The following BAZ1B variants were observed in gnomAD, a reference collection of about 807,000 sequenced individuals.
BAZ1B encodes the protein bromodomain adjacent to zinc finger domain 1B, also known as tyrosine-protein kinase BAZ1B.
A neutral mutation model predicts 153.8 loss-of-function variants in BAZ1B; 22 were observed. The ratio of observed to expected loss-of-function variants is 0.14; its 90% CI spans 0.10 to 0.20. BAZ1B has a LOEUF of 0.20. Ranked by LOEUF, BAZ1B falls within the 10% of genes least tolerant of loss-of-function variation. The probability of loss-of-function intolerance (pLI) is 1.00; values close to 1 mark genes in which losing one functional copy is unlikely to be tolerated. For synonymous variants in BAZ1B, 676 were observed against 633.4 expected, an observed-to-expected ratio of 1.07 and a Z score of -1.01; for missense variants, 1,325 against 1,799.3, an observed-to-expected ratio of 0.74 and a Z score of 4.77.
At chr7:73,459,005 T>A (rs775173504) in intron 13 of BAZ1B, among the ~76,000 whole-genome samples, 6 of 151,994 alleles carry the variant, frequency 3.9e-5, no homozygotes, top group African/African-American at 1.5e-4. Flanking sequence ...TCCCAGCACA[T>A]TGGGAGGCCG....
intron 9 of BAZ1B, among the ~76,000 whole-genome samples, chr7:73,466,781 C>T (rs1229293152): frequency 6.6e-6 from 1 of 152,174 alleles, no homozygotes; most frequent in Admixed American, 6.5e-5. Context: ...ATACTATAGA[C>T]TTATCCTTGG....
rs1788585458 is a variant in BAZ1B at position 73,466,377 on chromosome 7, T to C, written c.2891A>G (p.Asn964Ser). ...PRSKKANLGK[N>S]ASMNTQHGTA... ...TCCATGTTGTGTGTTCATGCTTGCA[T>C]TTTTACCTAAGTTTGCTTTCTTACC... Residue 964 changes from asparagine (N) to serine (S), a missense_variant, in exon 10 of 20, where the codon AAT (asparagine) becomes AGT (serine). Physicochemically the swap from Asn to Ser is conservative, Grantham distance 46. Around this residue, in one of 9 missense-constraint regions of BAZ1B, gnomAD observed 431 missense variants for 563.5 expected, o/e 0.76. Transcript: ENST00000339594. 1 of 1,613,650 alleles carries C rather than the reference T, an allele frequency of 6.2e-7. No individual in the cohort carries two copies. The highest frequency in any genetic ancestry group is 1.3e-5 in the African/African-American group (1 of 74,924).
intron 8 of BAZ1B, 78 bp from the exon 9 acceptor site, chr7:73,469,728 TAC>T (rs1219368368): frequency 6.5e-7 from 1 of 1,533,280 alleles, no homozygotes; most frequent in African/African-American, 1.4e-5. Context: ...GAGAAGATAA[TAC>T]AGAGTATCAC....
chr7:73,514,846 C>A (rs1554579049), intron 1 of BAZ1B, among the ~76,000 whole-genome samples: 1 of 151,954 alleles, frequency 6.6e-6, no homozygotes, highest in African/African-American at 2.4e-5. Flanking sequence ...CTTTGGGAGG[C>A]TGAAGTGGGT....
chr7:73,478,562 G>A lies in BAZ1B; in HGVS notation c.899C>T (p.Thr300Ile), dbSNP rs1554573248. ...CTTCCTCTTAGTAGAAGGGTTGAGA[G>A]TCATATACTAGAATTTAAGAATAGG... The part of the protein sequence containing the change: ...DFLLDPYKYM[T>I]LNPSTKRKNT... Residue 300 changes from threonine (T) to isoleucine (I), a missense_variant, in exon 7 of 20, where the codon ACT becomes ATT. Physicochemically the swap from Thr to Ile is moderately conservative, Grantham distance 89. Around this residue, in one of 9 missense-constraint regions of BAZ1B, gnomAD observed 219 missense variants for 248.2 expected, o/e 0.88. Coordinates refer to ENST00000339594, the MANE Select transcript of BAZ1B (RefSeq NM_032408.4). The A allele has an allele frequency of 2.0e-6, 3 of 1,510,964 alleles. No individual in the cohort carries two copies. Among genetic ancestry groups the A allele is most frequent in the East Asian group, 2.3e-5 (1 of 43,396 alleles). The allele number at this position is 1,510,964 out of a possible 1,614,324, so 93.6% of individuals were successfully genotyped here. A position where few individuals can be genotyped will look rare whatever the true frequency, so the allele number is the denominator to read the frequency against.
intron 4 of BAZ1B, among the ~76,000 whole-genome samples, chr7:73,493,279 G>A (rs373162018): frequency 6.6e-6 from 1 of 151,850 alleles, no homozygotes. Flanking sequence ...TGACCAACAT[G>A]GAGAAACTCC....
chr7:73,484,536 CAGGAGGCTAAGGTAGGCGGATT>C (rs1389839491), intron 6 of BAZ1B, among the ~76,000 whole-genome samples: 4 of 152,042 alleles, frequency 2.6e-5, no homozygotes, highest in Non-Finnish European at 4.4e-5. Flanking sequence ...CTCGGCTACT[CAGGAGGCTAAGGTAGGCGGATT>C]GCTTAAGCCC....
chr7:73,442,991 G>A (rs528054867), intron 17 of BAZ1B, among the ~76,000 whole-genome samples, 163 bp from the exon 18 acceptor site: 10 of 152,258 alleles, frequency 6.6e-5, no homozygotes, highest in Admixed American at 2.0e-4. Flanking sequence ...GAGCACCCTC[G>A]GCCCAGGTGG....
At chr7:73,449,882 T>C (rs1787971352) in intron 14 of BAZ1B, among the ~76,000 whole-genome samples, 193 bp from the exon 15 acceptor site, 1 of 152,228 alleles carries the variant, frequency 6.6e-6, no homozygotes, top group Non-Finnish European at 1.5e-5. Context: ...ACAGATAATT[T>C]GGGAATCAGG....
Position 73,506,528 on chromosome 7 carries a change from G to A in BAZ1B, c.369+1799C>T, listed in dbSNP as rs116659514. 7.8e-3 allele frequency among the ~76,000 whole-genome samples: 1,162 copies of A among 148,636 alleles called. 17 individuals are homozygous for A. Among genetic ancestry groups the A allele is most frequent in the African/African-American group, 0.028 (1,137 of 40,382 alleles). Reference sequence around the variant, plus strand: ...AAAAAAAAAAATTTAAGTAGAAAAAGTCCAACTCTCATTACAGCGAGGACT... The same window carrying A: ...AAAAAAAAAAATTTAAGTAGAAAAAATCCAACTCTCATTACAGCGAGGACT... On this transcript the variant is annotated intron_variant, in intron 3 of 19. Transcript: ENST00000339594.
Position 73,465,554 on chromosome 7 carries a change from G to T in BAZ1B, c.2973-17C>A. The T allele has an allele frequency of 1.1e-5, 16 of 1,423,830 alleles. No individual in the cohort carries two copies. The highest frequency in any genetic ancestry group is 1.4e-5 in the Non-Finnish European group (15 of 1,034,584). The allele number at this position is 1,423,830 out of a possible 1,614,324, so 88.2% of individuals were successfully genotyped here. ...CATAAAAACCTGTAGGGGCAAAAGA[G>T]ACCTGATAACTCTGAAAAAAAAAAA... is the stretch of plus-strand genomic sequence containing the variant. On this transcript the variant is annotated splice_polypyrimidine_tract_variant and intron_variant, in intron 10 of 19. Coordinates refer to ENST00000339594, the MANE Select transcript of BAZ1B (RefSeq NM_032408.4).
At chr7:73,471,270 A>G (rs1417135984) in intron 7 of BAZ1B, among the ~76,000 whole-genome samples, 1 of 152,240 alleles carries the variant, frequency 6.6e-6, no homozygotes, top group Non-Finnish European at 1.5e-5. Context: ...GAAAAGCAAC[A>G]GCAGGGACGC....
intron 13 of BAZ1B, 120 bp downstream of exon 13, chr7:73,459,403 ACACACACACACAC>A: frequency 1.2e-6 from 1 of 823,764 alleles, no homozygotes; most frequent in Middle Eastern, 3.9e-4. Flanking sequence ...AAAAAAAAAA[ACACACACACACAC>A]AAAAACACTC....
intron 2 of BAZ1B, among the ~76,000 whole-genome samples, chr7:73,510,105 C>A (rs1790517143): frequency 1.3e-5 from 2 of 151,204 alleles, no homozygotes; most frequent in Non-Finnish European, 2.9e-5. Flanking sequence ...CCAGCCTGGG[C>A]AACAGAGTGA....
At chr7:73,521,712 G>T in intron 1 of BAZ1B, 115 bp downstream of exon 1, 1 of 826,644 alleles carries the variant, frequency 1.2e-6, no homozygotes, top group Non-Finnish European at 1.7e-6. Flanking sequence ...AGCGGCCGGG[G>T]CGCGCTGACA....
intron 6 of BAZ1B, among the ~76,000 whole-genome samples, chr7:73,488,728 A>C (rs900728805): frequency 2.0e-4 from 30 of 151,740 alleles, no homozygotes; most frequent in Admixed American, 3.9e-4. Flanking sequence ...AAAAAAAAAA[A>C]AACAAAAAAA....
At chr7:73,518,204 A>G (rs1790888593) in intron 1 of BAZ1B, among the ~76,000 whole-genome samples, 2 of 151,508 alleles carry the variant, frequency 1.3e-5, no homozygotes, top group Admixed American at 1.3e-4. Context: ...GATCAAGACA[A>G]TCCTGGCTAA....
chr7:73,511,065 G>T (rs1250346146), intron 1 of BAZ1B, among the ~76,000 whole-genome samples: 2 of 152,090 alleles, frequency 1.3e-5, no homozygotes, highest in South Asian at 4.2e-4. Context: ...AGGTCAGATC[G>T]AGACCAGCCT....
rs373685565 is a variant in BAZ1B at position 73,498,564 on chromosome 7, C to G, written c.504G>C (p.Gln168His). 6.2e-7 allele frequency: 1 copy of G among 1,614,156 alleles called. No homozygotes were observed. The highest frequency in any genetic ancestry group is 8.5e-7 in the Non-Finnish European group (1 of 1,180,018). ...SPSSDKENSS[Q>H]IAQDHQKKET... Reference sequence around the variant, plus strand: ...CCTTCTTCTGATGGTCCTGAGCAATCTGACTGGAGTTCTCTTTGTCACTTG... The same window carrying G: ...CCTTCTTCTGATGGTCCTGAGCAATGTGACTGGAGTTCTCTTTGTCACTTG... Residue 168 changes from glutamine to histidine, a missense_variant, in exon 4 of 20, where the codon CAG (glutamine) becomes CAC (histidine). By Grantham distance (24) the Gln-to-His change is conservative. Around this residue, in one of 9 missense-constraint regions of BAZ1B, gnomAD observed 153 missense variants for 204.8 expected, o/e 0.75. Coordinates refer to ENST00000339594, the MANE Select transcript of BAZ1B (RefSeq NM_032408.4).
Sources: gnomAD v4.1 joint callset for allele counts (sites outside exome capture counted in the v4.1 genomes callset) on GRCh38, gnomAD v4.1.1 for gene constraint, gnomAD v4.1.1 regional missense constraint, MANE v1.5 for transcripts, NCBI Gene and HGNC (gene_info 2026-07-23, HGNC 2026-07-21) for gene names.